The following HTR6 variants were observed in gnomAD, a reference collection of about 807,000 sequenced individuals.
HTR6 encodes the protein 5-hydroxytryptamine (serotonin) receptor 6, G protein-coupled.
A neutral mutation model predicts 17.4 loss-of-function variants in HTR6; 15 were observed. The ratio of observed to expected loss-of-function variants is 0.86; its 90% CI spans 0.58 to 1.33. HTR6 has a LOEUF of 1.33. Among genes scored for constraint, HTR6 ranks in the 40% most tolerant of loss-of-function variants. HTR6 has a pLI of 0.00. For missense variants in HTR6, 578 were observed against 616.0 expected (o/e 0.94, Z 0.65); for synonymous variants, 326 against 295.5 (o/e 1.10, Z -1.06).
chr1:19,678,826 G>A, intron 2 of HTR6, 93 bp from the exon 3 acceptor site: 1 of 1,556,284 alleles, frequency 6.4e-7, no homozygotes, highest in Non-Finnish European at 8.7e-7. Flanking sequence ...GCCTCTCGTG[G>A]TGCGTGTGTG....
chr1:19,666,361 C>T lies in HTR6; in HGVS notation c.608C>T (p.Ala203Val), dbSNP rs1178925371. 1.2e-6 allele frequency: 2 copies of T among 1,613,820 alleles called. No homozygotes were observed. Among genetic ancestry groups the T allele is most frequent in the Admixed American group, 1.7e-5 (1 of 60,026 alleles). Reference sequence around the variant, plus strand: ...CTCACCTTCTTCCTGCCCTCGGGTGCCATATGCTTCACCTACTGCAGGATC... The same window carrying T: ...CTCACCTTCTTCCTGCCCTCGGGTGTCATATGCTTCACCTACTGCAGGATC... ...SGLTFFLPSGAICFTYCRILL... is the reference protein window; with the variant it reads ...SGLTFFLPSGVICFTYCRILL... The change falls in exon 1 of 3, where the codon GCC (alanine) becomes GTC (valine). Residue 203 changes from alanine (A) to valine (V), a missense_variant. Coordinates refer to ENST00000289753, the MANE Select transcript of HTR6 (RefSeq NM_000871.3). The surrounding 1 kb of genome is among the most constrained non-coding windows in gnomAD (Gnocchi z 4.5).
intron 1 of HTR6, among the ~76,000 whole-genome samples, chr1:19,675,077 C>G (rs2095092689): frequency 6.6e-6 from 1 of 152,114 alleles, no homozygotes; most frequent in South Asian, 2.1e-4. Context: ...GTTTCTGTAA[C>G]CCCACCTGAC....
At chr1:19,667,711 G>C (rs2095083333) in intron 1 of HTR6, among the ~76,000 whole-genome samples, 1 of 152,174 alleles carries the variant, frequency 6.6e-6, no homozygotes, top group African/African-American at 2.4e-5. Flanking sequence ...CTGGGAATGG[G>C]GTAGGTGCTC....
chr1:19,665,580 T>C lies in HTR6; in HGVS notation c.-174T>C. ...GTGTCCTCCTGTAGTCGCTGCCCCC[T>C]GACCTAGCGCGACCCAGCGCCCCCG... On this transcript the variant is annotated 5_prime_UTR_variant, in exon 1 of 3. Transcript: ENST00000289753. This position sits in a 1 kb window ranked among gnomAD's most constrained non-coding sequence, Gnocchi z 4.2. 1.9e-6 allele frequency: 1 copy of C among 519,790 alleles called. No homozygotes were observed. The highest frequency in any genetic ancestry group is 3.9e-5 in the Admixed American group (1 of 25,538). 32.2% of individuals were successfully genotyped at this position (519,790 alleles called of 1,614,324 possible). A position where few individuals can be genotyped will look rare whatever the true frequency, so the allele number is the denominator to read the frequency against.
At chr1:19,677,429 T>A (rs950012174) in intron 1 of HTR6, among the ~76,000 whole-genome samples, 1 of 152,172 alleles carries the variant, frequency 6.6e-6, no homozygotes, top group African/African-American at 2.4e-5. Flanking sequence ...TTTCTCTTCC[T>A]CCCTCCTACC....
At chr1:19,669,948 T>G (rs1437271239) in intron 1 of HTR6, among the ~76,000 whole-genome samples, 1 of 151,930 alleles carries the variant, frequency 6.6e-6, no homozygotes, top group Non-Finnish European at 1.5e-5. Context: ...GACTTCCTGA[T>G]TCCGCTCTTC....
chr1:19,669,371 A>G (rs770969110), intron 1 of HTR6, among the ~76,000 whole-genome samples: 25 of 152,134 alleles, frequency 1.6e-4, no homozygotes, highest in Non-Finnish European at 3.4e-4. Flanking sequence ...AAACTTATTA[A>G]TTCCCCAAAC....
chr1:19,667,650 G>A (rs1035148316), intron 1 of HTR6, among the ~76,000 whole-genome samples: 3 of 152,084 alleles, frequency 2.0e-5, no homozygotes, highest in Admixed American at 6.5e-5. Context: ...TCCTGATCGA[G>A]GTCAGTTTTG....
chr1:19,676,671 G>T (rs992547138), intron 1 of HTR6, among the ~76,000 whole-genome samples: 1 of 152,162 alleles, frequency 6.6e-6, no homozygotes, highest in Non-Finnish European at 1.5e-5. Flanking sequence ...AGTGGGGTGG[G>T]GTGTTGGCTT....
At chr1:19,672,581 T>C (rs1159188932) in intron 1 of HTR6, among the ~76,000 whole-genome samples, 1 of 152,078 alleles carries the variant, frequency 6.6e-6, no homozygotes, top group African/African-American at 2.4e-5. Flanking sequence ...TCTGGCTGGT[T>C]AGGGTTCAAG....
chr1:19,674,849 G>T (rs1243536261), intron 1 of HTR6, among the ~76,000 whole-genome samples: 1 of 152,232 alleles, frequency 6.6e-6, no homozygotes. Context: ...GTGATTGTTG[G>T]CTGGAAGGGC....
intron 1 of HTR6, among the ~76,000 whole-genome samples, chr1:19,674,266 G>A (rs1288136770): frequency 1.3e-5 from 2 of 152,284 alleles, no homozygotes; most frequent in East Asian, 1.9e-4. Flanking sequence ...ATAGGATCAT[G>A]CTGTATCTAT....
At chr1:19,674,779 C>T (rs934998913) in intron 1 of HTR6, among the ~76,000 whole-genome samples, 3 of 152,206 alleles carry the variant, frequency 2.0e-5, no homozygotes, top group African/African-American at 7.2e-5. Flanking sequence ...CTGTGGGACA[C>T]ATTCTTGGAT....
At chr1:19,674,578 T>G (rs4912140) in intron 1 of HTR6, among the ~76,000 whole-genome samples, 122,238 of 152,012 alleles carry the variant, frequency 0.8, 49,697 homozygotes, top group African/African-American at 0.9. Flanking sequence ...GCTAATTTTT[T>G]TATTTTTAGC....
chr1:19,675,763 AT>A lies in HTR6; in HGVS notation c.715-2802del, dbSNP rs1333898143. ...ATCCCTCTCCATGCCGTCTATTCCC[AT>A]TGATGGCAGCAATTTGAAGGTGTGG... On this transcript the variant is annotated intron_variant, in intron 1 of 2. Transcript: ENST00000289753. 6.6e-5 allele frequency among the ~76,000 whole-genome samples: 10 copies of A among 152,130 alleles called. No individual in the cohort carries two copies. In the South Asian group the frequency reaches 2.1e-3, roughly 32 times the overall value.
At position 19,665,698 on chromosome 1, in the gene HTR6, C is replaced by A; in HGVS notation, c.-56C>A. ...CCGTCCAGCCTGCGCTTCGCCGGGG[C>A]CCTCATCTGCTTTCCCGCCACCCTA... On this transcript the variant is annotated 5_prime_UTR_variant, in exon 1 of 3. Coordinates refer to ENST00000289753, the MANE Select transcript of HTR6 (RefSeq NM_000871.3). This position sits in a 1 kb window ranked among gnomAD's most constrained non-coding sequence, Gnocchi z 4.2. 2 of 1,172,740 alleles carry A rather than the reference C, an allele frequency of 1.7e-6. No homozygotes were observed. Among genetic ancestry groups the A allele is most frequent in the Non-Finnish European group, 2.4e-6 (2 of 849,804 alleles). 72.6% of individuals were successfully genotyped at this position (1,172,740 alleles called of 1,614,324 possible).
At position 19,679,845 on chromosome 1, in the gene HTR6, G is replaced by A. The variant is rs2095099607; in HGVS notation, c.*477G>A. ...GTGAAAAATGCACATCTCTGCCCCTGCCCAGACCTGCTGAGTCAGAACTGC... is the reference window on the plus strand; with the variant it reads ...GTGAAAAATGCACATCTCTGCCCCTACCCAGACCTGCTGAGTCAGAACTGC... On this transcript the variant is annotated 3_prime_UTR_variant, in exon 3 of 3. Transcript: ENST00000289753. This position sits in a 1 kb window ranked among gnomAD's most constrained non-coding sequence, Gnocchi z 4.9. Among the ~76,000 whole-genome samples the A allele has an allele frequency of 1.3e-5, 2 of 152,232 alleles. No homozygotes were observed. Among genetic ancestry groups the A allele is most frequent in the Non-Finnish European group, 1.5e-5 (1 of 68,042 alleles).
rs1188499572 is a variant in HTR6 at position 19,666,183 on chromosome 1, C to G, written c.430C>G (p.Leu144Val). 1.2e-6 allele frequency: 2 copies of G among 1,610,706 alleles called. No individual in the cohort carries two copies. Among genetic ancestry groups the G allele is most frequent in the Non-Finnish European group, 1.7e-6 (2 of 1,179,860 alleles). ...GCTGCGCATGACGCCCCTGCGTGCC[C>G]TGGCCCTAGTCCTGGGCGCCTGGAG... ...YKLRMTPLRALALVLGAWSLA... is the reference protein window; with the variant it reads ...YKLRMTPLRAVALVLGAWSLA... Residue 144 changes from leucine (L) to valine (V), a missense_variant, in exon 1 of 3, where the codon CTG becomes GTG. Leu to Val is a conservative substitution (Grantham distance 32, BLOSUM62 1). Coordinates refer to ENST00000289753, the MANE Select transcript of HTR6 (RefSeq NM_000871.3). This position sits in a 1 kb window ranked among gnomAD's most constrained non-coding sequence, Gnocchi z 4.5.
chr1:19,666,173 C>A lies in HTR6; in HGVS notation c.420C>A (p.Pro140=). 1 of 1,610,892 alleles carries A rather than the reference C, an allele frequency of 6.2e-7. No homozygotes were observed. The highest frequency in any genetic ancestry group is 8.5e-7 in the Non-Finnish European group (1 of 1,179,886). Residue 140 remains proline, a synonymous_variant, in exon 1 of 3, where the codon CCC becomes CCA. Transcript: ENST00000289753. This position sits in a 1 kb window ranked among gnomAD's most constrained non-coding sequence, Gnocchi z 4.5. ...TGCGCTACAAGCTGCGCATGACGCC[C>A]CTGCGTGCCCTGGCCCTAGTCCTGG... ...SPLRYKLRMT[P]LRALALVLGA...
Sources: allele counts gnomAD v4.1 joint callset (sites outside exome capture counted in the v4.1 genomes callset), GRCh38; gene constraint gnomAD v4.1.1; non-coding constraint Gnocchi (gnomAD v3.1); transcripts MANE v1.5; gene names NCBI Gene and HGNC (gene_info 2026-07-23, HGNC 2026-07-21).